The following CD2AP variants were observed in gnomAD, a reference collection of about 807,000 sequenced individuals.
CD2AP encodes the protein CD2-associated protein.
CD2AP carries 46 observed loss-of-function variants against 85.1 expected under a neutral mutation model. The observed-to-expected ratio is 0.54, with a 90% confidence interval of 0.43 to 0.69. CD2AP has a LOEUF of 0.69. Ranked by LOEUF, CD2AP falls within the 30% of genes least tolerant of loss-of-function variation. CD2AP has a pLI of 0.00. For synonymous variants in CD2AP, 255 were observed against 252.9 expected (o/e 1.01, Z -0.08); for missense variants, 769 against 729.5 (o/e 1.05, Z -0.62).
intron 1 of CD2AP, among the ~76,000 whole-genome samples, chr6:47,478,931 A>C (rs1765379125): frequency 6.6e-6 from 1 of 152,078 alleles, no homozygotes. Flanking sequence ...AGGAGAGAAA[A>C]ATACAAGGCC....
At chr6:47,547,708 C>T (rs1458693844) in intron 4 of CD2AP, among the ~76,000 whole-genome samples, 1 of 152,136 alleles carries the variant, frequency 6.6e-6, no homozygotes, top group Non-Finnish European at 1.5e-5. Context: ...TTCTACACAA[C>T]CACCACAGAA....
rs58060161 is a variant in CD2AP, at chr6:47,505,011, CTTTTTT to C, written c.165+1591_165+1596del. Among the ~76,000 whole-genome samples the C allele has an allele frequency of 9.4e-3, 897 of 95,140 alleles. 1 individual carries two copies. The highest frequency in any genetic ancestry group is 0.013 in the Non-Finnish European group (670 of 51,638). The allele number at this position is 95,140 out of a possible 152,430, so 62.4% of individuals were successfully genotyped here. On this transcript the variant is annotated intron_variant, in intron 2 of 17. Coordinates refer to ENST00000359314, the MANE Select transcript of CD2AP (RefSeq NM_012120.3). ...AAGGCTGGGGTGGCTGTGGCAGTTTCTTTTTTTTTTTTTTTTTTTTTTTTTAATTTA... is the reference window on the plus strand; with the variant it reads ...AAGGCTGGGGTGGCTGTGGCAGTTTCTTTTTTTTTTTTTTTTTTTAATTTA...
chr6:47,488,445 A>G (rs1371070169), intron 1 of CD2AP, among the ~76,000 whole-genome samples: 1 of 151,906 alleles, frequency 6.6e-6, no homozygotes, highest in Non-Finnish European at 1.5e-5. Context: ...ATTAATTTTA[A>G]TAATATTTTG....
At position 47,545,982 on chromosome 6, in the gene CD2AP, A is replaced by C. The variant is rs190861196; in HGVS notation, c.420+1276A>C. On this transcript the variant is annotated intron_variant, in intron 4 of 17. Coordinates refer to ENST00000359314, the MANE Select transcript of CD2AP (RefSeq NM_012120.3). ...TCCCCAAAAATCACACTAGCTCACC[A>C]GCAAGGTATCCAAACCAAGAAGAAA... 1.1e-3 allele frequency among the ~76,000 whole-genome samples: 163 copies of C among 152,306 alleles called. No individual in the cohort carries two copies. The South Asian group carries it at 0.012, about 11-fold the overall frequency.
chr6:47,585,714 T>C (rs990973999), intron 11 of CD2AP, among the ~76,000 whole-genome samples: 5 of 120,602 alleles, frequency 4.1e-5, no homozygotes, highest in African/African-American at 9.4e-5. Context: ...GCCTGAATAT[T>C]GATCTACACA....
intron 2 of CD2AP, among the ~76,000 whole-genome samples, 184 bp from the exon 3 acceptor site, chr6:47,533,418 T>A (rs896672396): frequency 7.9e-5 from 12 of 152,216 alleles, no homozygotes; most frequent in African/African-American, 2.9e-4. Context: ...CTTAAACTCA[T>A]GAGTCACTGT....
At chr6:47,491,622 G>T (rs1765738552) in intron 1 of CD2AP, among the ~76,000 whole-genome samples, 1 of 151,854 alleles carries the variant, frequency 6.6e-6, no homozygotes, top group South Asian at 2.1e-4. Flanking sequence ...ATGCCTATTT[G>T]GAATTTGTGT....
Position 47,503,260 on chromosome 6 carries a change from G to A in CD2AP, c.5-20G>A, listed in dbSNP as rs3756935. On this transcript the variant is annotated intron_variant, in intron 1 of 17. Coordinates refer to ENST00000359314, the MANE Select transcript of CD2AP (RefSeq NM_012120.3). ...TTGTGAATTAGATTTTAGACATTTC[G>A]TTTTTTCCCCCTTTTTTAGTTGACT... The A allele has an allele frequency of 3.8e-4, 605 of 1,610,318 alleles. 7 individuals carry two copies. In the East Asian group the frequency reaches 0.01, roughly 27 times the overall value.
chr6:47,553,513 ATTTTT>A lies in CD2AP; in HGVS notation c.421-1113_421-1109del, dbSNP rs148273065. Among the ~76,000 whole-genome samples the A allele has an allele frequency of 4.3e-3, 475 of 110,510 alleles. 2 individuals are homozygous for A. Among genetic ancestry groups the A allele is most frequent in the South Asian group, 0.027 (90 of 3,372 alleles). The allele number at this position is 110,510 out of a possible 152,430, so 72.5% of individuals were successfully genotyped here. ...AGGTGTGCACCACCACACCTAGTGA[ATTTTT>A]TTTTTTTTTTTTTTTTTTTGTATTT... On this transcript the variant is annotated intron_variant, in intron 4 of 17. Transcript: ENST00000359314.
intron 3 of CD2AP, among the ~76,000 whole-genome samples, chr6:47,543,563 T>G (rs1051067318): frequency 2.6e-5 from 4 of 152,232 alleles, no homozygotes; most frequent in Non-Finnish European, 5.9e-5. Flanking sequence ...GATGCCCCTC[T>G]TCTGGCTTGT....
At chr6:47,479,382 G>T (rs1313781204) in intron 1 of CD2AP, among the ~76,000 whole-genome samples, 1 of 152,150 alleles carries the variant, frequency 6.6e-6, no homozygotes, top group Non-Finnish European at 1.5e-5. Context: ...GCTTTGTGGG[G>T]GATGTTTTGA....
chr6:47,613,138 G>A (rs964055878), intron 17 of CD2AP, among the ~76,000 whole-genome samples: 4 of 152,084 alleles, frequency 2.6e-5, no homozygotes, highest in African/African-American at 9.7e-5. Flanking sequence ...TTTCTCCACT[G>A]AAGTCTTCAA....
intron 2 of CD2AP, among the ~76,000 whole-genome samples, chr6:47,506,620 C>A (rs1374996320): frequency 8.0e-6 from 1 of 124,414 alleles, no homozygotes; most frequent in Non-Finnish European, 1.8e-5. Flanking sequence ...GCCAACACAG[C>A]GAAACCCCGT....
chr6:47,534,107 A>T (rs1476571844), intron 3 of CD2AP, among the ~76,000 whole-genome samples: 2 of 152,230 alleles, frequency 1.3e-5, no homozygotes, highest in Non-Finnish European at 2.9e-5. Flanking sequence ...GAATTTTGAT[A>T]GTGCTTTTTC....
At chr6:47,621,115 C>T (rs1279542751) in intron 17 of CD2AP, among the ~76,000 whole-genome samples, 8 of 152,118 alleles carry the variant, frequency 5.3e-5, no homozygotes, top group African/African-American at 1.7e-4. Flanking sequence ...CATCCTTGTC[C>T]TGTTTCAGTT....
At chr6:47,529,800 G>T (rs534988659) in intron 2 of CD2AP, among the ~76,000 whole-genome samples, 72 of 152,256 alleles carry the variant, frequency 4.7e-4, no homozygotes, top group African/African-American at 1.6e-3. Context: ...ACTTTAAGTG[G>T]GAATTTACTG....
intron 8 of CD2AP, among the ~76,000 whole-genome samples, chr6:47,578,905 C>T (rs1487513376): frequency 6.6e-6 from 1 of 152,110 alleles, no homozygotes; most frequent in Non-Finnish European, 1.5e-5. Context: ...GTTCCACCCA[C>T]CTCAGCCTCC....
intron 4 of CD2AP, among the ~76,000 whole-genome samples, chr6:47,551,093 C>A (rs1225248115): frequency 6.6e-6 from 1 of 152,074 alleles, no homozygotes; most frequent in African/African-American, 2.4e-5. Flanking sequence ...GTATACTCCT[C>A]AGGTGATGGG....
At chr6:47,579,071 T>C (rs1317915207) in intron 8 of CD2AP, among the ~76,000 whole-genome samples, 3 of 152,236 alleles carry the variant, frequency 2.0e-5, no homozygotes, top group African/African-American at 4.8e-5. Flanking sequence ...CTAAAAGTAA[T>C]ACGTGGGAAA....
Sources: allele counts gnomAD v4.1 joint callset (sites outside exome capture counted in the v4.1 genomes callset), GRCh38; gene constraint gnomAD v4.1.1; transcripts MANE v1.5; gene names NCBI Gene and HGNC (gene_info 2026-07-23, HGNC 2026-07-21).